Variants in SUFU observed in about 807,000 individuals in gnomAD.
The protein encoded by SUFU is SUFU negative regulator of hedgehog signaling.
A neutral mutation model predicts 58.9 loss-of-function variants in SUFU; 7 were observed. The observed-to-expected ratio is 0.12, with a 90% CI of 0.07 to 0.22. SUFU has a LOEUF of 0.22. SUFU is among the 10% of genes least tolerant of loss of function. The probability of loss-of-function intolerance (pLI) is 1.00; values close to 1 mark genes in which losing one functional copy is unlikely to be tolerated. For missense variants in SUFU, 451 were observed against 641.3 expected (o/e 0.70, Z 3.20); for synonymous variants, 232 against 254.8 (o/e 0.91, Z 0.85).
chr10:102,583,462 T>C (rs534839803), intron 3 of SUFU, among the ~76,000 whole-genome samples: 1 of 152,336 alleles, frequency 6.6e-6, no homozygotes, highest in South Asian at 2.1e-4. Context: ...GACTCCCTTT[T>C]CTTGCCTTAG....
rs587776578 is a variant in SUFU at position 102,599,545 on chromosome 10, G to A, written c.1022+1G>A. Reference sequence around the variant, plus strand: ...ATGGCCTCGCCCACGACCGGGCCCCGTAAGTTCCCCAGTGTCCCTGGGCTG... The same window carrying A: ...ATGGCCTCGCCCACGACCGGGCCCCATAAGTTCCCCAGTGTCCCTGGGCTG... On this transcript the variant is annotated splice_donor_variant, in intron 8 of 11. Transcript: ENST00000369902. LOFTEE classifies it high-confidence loss of function. The A allele has an allele frequency of 1.2e-6, 2 of 1,613,764 alleles. No individual in the cohort carries two copies. The highest frequency in any genetic ancestry group is 1.7e-6 in the Non-Finnish European group (2 of 1,179,692).
Position 102,538,660 on chromosome 10 carries a change from C to T in SUFU, c.318-11310C>T, listed in dbSNP as rs76686711. The stretch of plus-strand genomic sequence containing the variant: ...ACACACACATGTATGCAGCCTCTCC[C>T]GCTGTCAACATCCTTACCCAGATTG... On this transcript the variant is annotated intron_variant, in intron 2 of 11. Coordinates refer to ENST00000369902, the MANE Select transcript of SUFU (RefSeq NM_016169.4). Among the ~76,000 whole-genome samples the T allele has an allele frequency of 8.4e-3, 1,275 of 152,258 alleles. 62 individuals carry two copies. The highest frequency in any genetic ancestry group is 0.072 in the Admixed American group (1,103 of 15,282).
chr10:102,547,164 A>G (rs1468855151), intron 2 of SUFU, among the ~76,000 whole-genome samples: 1 of 152,218 alleles, frequency 6.6e-6, no homozygotes, highest in Non-Finnish European at 1.5e-5. Context: ...TACATTTTAC[A>G]AAGCTGCCTC....
At chr10:102,536,775 T>C (rs1282344192) in intron 2 of SUFU, among the ~76,000 whole-genome samples, 1 of 152,178 alleles carries the variant, frequency 6.6e-6, no homozygotes, top group Non-Finnish European at 1.5e-5. Context: ...CATAACTACT[T>C]ATTTGTGGCA....
At chr10:102,541,045 A>G (rs1194056910) in intron 2 of SUFU, among the ~76,000 whole-genome samples, 1 of 151,868 alleles carries the variant, frequency 6.6e-6, no homozygotes, top group African/African-American at 2.4e-5. Flanking sequence ...TACTTGGGTT[A>G]TATCTTTTCT....
chr10:102,555,073 C>T (rs2062959366), intron 3 of SUFU, among the ~76,000 whole-genome samples: 1 of 152,008 alleles, frequency 6.6e-6, no homozygotes, highest in East Asian at 1.9e-4. Context: ...TCAAGACCAT[C>T]CTGGCTAACA....
Position 102,628,259 on chromosome 10 carries a change from G to T in SUFU, c.1365+1016G>T, listed in dbSNP as rs1403982520. Among the ~76,000 whole-genome samples the T allele has an allele frequency of 6.6e-6, 1 of 152,212 alleles. No individual in the cohort carries two copies. The highest frequency in any genetic ancestry group is 2.4e-5 in the African/African-American group (1 of 41,446). ...GCCTCTGGTGTTTAGGAAGCTGAGG[G>T]GAGTGCACAGGGCGGGACCGTCCAG... is the stretch of plus-strand genomic sequence containing the variant. On this transcript the variant is annotated intron_variant, in intron 11 of 11. Coordinates refer to ENST00000369902, the MANE Select transcript of SUFU (RefSeq NM_016169.4). The surrounding 1 kb of genome is among the most constrained non-coding windows in gnomAD (Gnocchi z 4.5).
At chr10:102,602,447 C>T (rs1252640135) in intron 8 of SUFU, among the ~76,000 whole-genome samples, 3 of 152,196 alleles carry the variant, frequency 2.0e-5, no homozygotes, top group Non-Finnish European at 4.4e-5. Flanking sequence ...AGGCCAAAGC[C>T]TCATATTAGA....
In SUFU at chr10:102,597,209, G is replaced by T. The variant is rs1296180292; in HGVS notation, c.826G>T (p.Asp276Tyr). 1 of 1,613,876 alleles carries T rather than the reference G, an allele frequency of 6.2e-7. No individual in the cohort carries two copies. Among genetic ancestry groups the T allele is most frequent in the African/African-American group, 1.3e-5 (1 of 74,864 alleles). Reference sequence around the variant, plus strand: ...TGGTGTCAGTGCCAAGTGTGCCTGGGATGACCTGAGCCGGCCCCCCGAGGA... The same window carrying T: ...TGGTGTCAGTGCCAAGTGTGCCTGGTATGACCTGAGCCGGCCCCCCGAGGA... ...LSGVSAKCAWDDLSRPPEDDE... is the reference protein window; with the variant it reads ...LSGVSAKCAWYDLSRPPEDDE... Residue 276 changes from aspartate (D) to tyrosine (Y), a missense_variant, in exon 7 of 12, where the codon GAT becomes TAT. Asp to Tyr is a radical substitution (Grantham distance 160). Coordinates refer to ENST00000369902, the MANE Select transcript of SUFU (RefSeq NM_016169.4).
intron 2 of SUFU, among the ~76,000 whole-genome samples, chr10:102,535,229 G>T (rs901330961): frequency 1.3e-5 from 2 of 152,220 alleles, no homozygotes; most frequent in African/African-American, 4.8e-5. Context: ...GCTCACGCCT[G>T]TAATCCCAAC....
At chr10:102,582,691 A>T (rs1422892313) in intron 3 of SUFU, among the ~76,000 whole-genome samples, 1 of 151,820 alleles carries the variant, frequency 6.6e-6, no homozygotes, top group African/African-American at 2.4e-5. Context: ...GAGGGGAGAG[A>T]CTCCTTTTGC....
rs1306795411 is a variant in SUFU, at chr10:102,625,349, C to T, written c.1297-1826C>T. Among the ~76,000 whole-genome samples, 1 of 152,188 alleles carries T rather than the reference C, an allele frequency of 6.6e-6. No individual in the cohort carries two copies. Among genetic ancestry groups the T allele is most frequent in the African/African-American group, 2.4e-5 (1 of 41,448 alleles). ...CTTGTCTCTGTCCTTGGTCGGGGCC[C>T]TAGCTCCTAGAACAGAGAGTTTGGT... On this transcript the variant is annotated intron_variant, in intron 10 of 11. Transcript: ENST00000369902. This position sits in a 1 kb window ranked among gnomAD's most constrained non-coding sequence, Gnocchi z 4.7.
chr10:102,555,866 G>A (rs1181677698), intron 3 of SUFU, among the ~76,000 whole-genome samples: 1 of 152,192 alleles, frequency 6.6e-6, no homozygotes, highest in African/African-American at 2.4e-5. Flanking sequence ...TGTACAGAAC[G>A]TGTGTCATTT....
chr10:102,615,690 A>G (rs1157209144), intron 9 of SUFU, among the ~76,000 whole-genome samples: 4 of 152,080 alleles, frequency 2.6e-5, no homozygotes, highest in Non-Finnish European at 5.9e-5. Flanking sequence ...CCCCCATGTC[A>G]CTGGGCCATG....
chr10:102,557,747 ACT>A (rs2062996276), intron 3 of SUFU, among the ~76,000 whole-genome samples: 1 of 151,924 alleles, frequency 6.6e-6, no homozygotes, highest in Non-Finnish European at 1.5e-5. Flanking sequence ...TATAGCTATG[ACT>A]CTCTGTATGT....
In SUFU at chr10:102,504,152, G is replaced by A. The variant is rs1397685548; in HGVS notation, c.-1G>A. On this transcript the variant is annotated 5_prime_UTR_variant, in exon 1 of 12. Transcript: ENST00000369902. Reference sequence around the variant, plus strand: ...CCCCAGTGCCTGCCCTACGCACCCCGATGGCGGAGCTGCGGCCTAGCGGCG... The same window carrying A: ...CCCCAGTGCCTGCCCTACGCACCCCAATGGCGGAGCTGCGGCCTAGCGGCG... 4 of 1,511,280 alleles carry A rather than the reference G, an allele frequency of 2.6e-6. No individual in the cohort carries two copies. Among genetic ancestry groups the A allele is most frequent in the Non-Finnish European group, 3.5e-6 (4 of 1,127,854 alleles). The allele number at this position is 1,511,280 out of a possible 1,614,324, so 93.6% of individuals were successfully genotyped here. A position where few individuals can be genotyped will look rare whatever the true frequency, so the allele number is the denominator to read the frequency against.
At chr10:102,605,859 G>A (rs2063558099) in intron 8 of SUFU, among the ~76,000 whole-genome samples, 1 of 152,200 alleles carries the variant, frequency 6.6e-6, no homozygotes, top group Non-Finnish European at 1.5e-5. Flanking sequence ...TAGTTGCCAA[G>A]CTTGATGCCC....
chr10:102,540,072 C>T (rs150121879), intron 2 of SUFU, among the ~76,000 whole-genome samples: 1 of 152,294 alleles, frequency 6.6e-6, no homozygotes, highest in Non-Finnish European at 1.5e-5. Context: ...ATTCTCTGAA[C>T]CACTTCCTTA....
At chr10:102,532,831 G>A (rs2062691521) in intron 2 of SUFU, among the ~76,000 whole-genome samples, 1 of 152,210 alleles carries the variant, frequency 6.6e-6, no homozygotes, top group Non-Finnish European at 1.5e-5. Context: ...GACTTACTGA[G>A]AAGTCTGGAC....
Sources: gnomAD v4.1 joint callset for allele counts (sites outside exome capture counted in the v4.1 genomes callset) on GRCh38, gnomAD v4.1.1 for gene constraint, Gnocchi (gnomAD v3.1) non-coding constraint, MANE v1.5 for transcripts, NCBI Gene and HGNC (gene_info 2026-07-23, HGNC 2026-07-21) for gene names.